Variants in ARHGEF37 observed in about 807,000 individuals in gnomAD.
ARHGEF37 encodes the protein Rho guanine nucleotide exchange factor (GEF) 37.
ARHGEF37 carries 55 observed loss-of-function variants against 71.1 expected under a neutral mutation model. The ratio of observed to expected loss-of-function variants is 0.77; its 90% CI spans 0.62 to 0.97. The LOEUF (loss-of-function observed/expected upper bound fraction) is 0.97, where lower values mean the gene tolerates loss of function less well. Among genes scored for constraint, ARHGEF37 ranks in the 50% least tolerant of loss-of-function variants. The pLI is 0.00. For synonymous variants in ARHGEF37, 327 were observed against 350.6 expected (o/e 0.93, Z 0.75); for missense variants, 765 against 836.8 (o/e 0.91, Z 1.06).
upstream of ARHGEF37, among the ~76,000 whole-genome samples, chr5:149,578,215 C>G (rs1419159772): frequency 3.9e-5 from 6 of 152,214 alleles, no homozygotes; most frequent in Non-Finnish European, 5.9e-5. Flanking sequence ...CTTTGGTTAA[C>G]CAGAATCAGC....
At chr5:149,595,455 A>G (rs1436405634) in intron 1 of ARHGEF37, among the ~76,000 whole-genome samples, 2 of 152,220 alleles carry the variant, frequency 1.3e-5, no homozygotes, top group African/African-American at 2.4e-5. Context: ...TTCTGGGATT[A>G]CATACATGAG....
rs1233737516 is a variant in ARHGEF37 at position 149,632,341 on chromosome 5, T to C, written c.*150T>C. On this transcript the variant is annotated 3_prime_UTR_variant, in exon 13 of 13. Transcript: ENST00000333677. ...ACACTCAGGAGGCAGCCAGAAGACATGGGCGGGCCTCGCAGAGTGCTTGGT... is the reference window on the plus strand; with the variant it reads ...ACACTCAGGAGGCAGCCAGAAGACACGGGCGGGCCTCGCAGAGTGCTTGGT... The C allele has an allele frequency of 1.2e-6, 1 of 837,906 alleles. No individual in the cohort carries two copies. Among genetic ancestry groups the C allele is most frequent in the Non-Finnish European group, 1.8e-6 (1 of 547,590 alleles). 51.9% of individuals were successfully genotyped at this position (837,906 alleles called of 1,614,324 possible). A position where few individuals can be genotyped will look rare whatever the true frequency, so the allele number is the denominator to read the frequency against.
intron 1 of ARHGEF37, among the ~76,000 whole-genome samples, chr5:149,553,729 A>G (rs1402046592): frequency 2.6e-5 from 4 of 152,254 alleles, no homozygotes; most frequent in African/African-American, 9.6e-5. Context: ...GAGAAAAGTA[A>G]GCAATACATC....
chr5:149,623,755 G>A lies in ARHGEF37; in HGVS notation c.1336-257G>A, dbSNP rs533426744. On this transcript the variant is annotated intron_variant, in intron 9 of 12. Transcript: ENST00000333677. ...AGAAACCTCAATCTCCCTGAATCCTGGTGGGAGGAAGGCTCTAGGTCAGCA... is the reference window on the plus strand; with the variant it reads ...AGAAACCTCAATCTCCCTGAATCCTAGTGGGAGGAAGGCTCTAGGTCAGCA... Among the ~76,000 whole-genome samples the A allele has an allele frequency of 2.6e-5, 4 of 152,288 alleles. No homozygotes were observed. The South Asian group carries it at 8.3e-4, about 32-fold the overall frequency.
chr5:149,561,903 C>A (rs1259185570), intron 1 of ARHGEF37, among the ~76,000 whole-genome samples: 1 of 152,184 alleles, frequency 6.6e-6, no homozygotes, highest in Non-Finnish European at 1.5e-5. Flanking sequence ...AGCCCCTGTT[C>A]TCTTCCTCTG....
upstream of ARHGEF37, among the ~76,000 whole-genome samples, chr5:149,577,597 G>A (rs1166284148): frequency 6.6e-6 from 1 of 152,170 alleles, no homozygotes; most frequent in Non-Finnish European, 1.5e-5. Flanking sequence ...CTTATAAAAG[G>A]TTGAGAAACA....
At chr5:149,629,001 A>G (rs1433672655) in intron 12 of ARHGEF37, 35 bp downstream of exon 12, 4 of 1,596,366 alleles carry the variant, frequency 2.5e-6, no homozygotes, top group Non-Finnish European at 2.6e-6. Flanking sequence ...CTTGCCTCCC[A>G]TCGGCCATCC....
At chr5:149,560,058 A>G (rs1347437096) in intron 1 of ARHGEF37, among the ~76,000 whole-genome samples, 1 of 152,210 alleles carries the variant, frequency 6.6e-6, no homozygotes, top group Non-Finnish European at 1.5e-5. Context: ...TGTCTTCGGA[A>G]TCAAAACTAC....
intron 3 of ARHGEF37, among the ~76,000 whole-genome samples, chr5:149,604,488 C>G (rs1477327938): frequency 6.6e-6 from 1 of 152,034 alleles, no homozygotes; most frequent in Non-Finnish European, 1.5e-5. Flanking sequence ...AAAATATCCT[C>G]CTCATCCCTT....
intron 8 of ARHGEF37, among the ~76,000 whole-genome samples, chr5:149,620,829 C>CAAAAAAAAAAAAAA (rs66996935): frequency 3.5e-5 from 5 of 144,852 alleles, no homozygotes; most frequent in African/African-American, 1.0e-4. Context: ...GACTCCTTCT[C>CAAAAAAAAAAAAAA]AAAAAAAGAA....
chr5:149,551,747 G>A (rs1471075570), upstream of ARHGEF37, among the ~76,000 whole-genome samples: 3 of 152,250 alleles, frequency 2.0e-5, no homozygotes, highest in African/African-American at 7.2e-5. Context: ...ATGTTTCGTG[G>A]CAGATGAAAG....
At chr5:149,580,180 C>G (rs527298974), upstream of ARHGEF37, among the ~76,000 whole-genome samples, 14 of 152,002 alleles carry the variant, frequency 9.2e-5, no homozygotes, top group Admixed American at 3.9e-4. Context: ...CCTGCCTCAG[C>G]CTCCCAAGCA....
chr5:149,628,401 G>A (rs998463643), intron 11 of ARHGEF37, among the ~76,000 whole-genome samples: 14 of 152,212 alleles, frequency 9.2e-5, no homozygotes, highest in African/African-American at 3.4e-4. Context: ...AAAGGAACTG[G>A]GCTCACATGG....
intron 1 of ARHGEF37, among the ~76,000 whole-genome samples, chr5:149,594,871 C>G (rs1459821167): frequency 6.6e-6 from 1 of 152,174 alleles, no homozygotes; most frequent in Non-Finnish European, 1.5e-5. Context: ...CAAAGTATCT[C>G]AGCTACTCAG....
At chr5:149,583,034 A>G (rs1309654570) in intron 1 of ARHGEF37, among the ~76,000 whole-genome samples, 1 of 152,244 alleles carries the variant, frequency 6.6e-6, no homozygotes, top group African/African-American at 2.4e-5. Context: ...CTCCAAGTCA[A>G]AAGCTGAAAG....
chr5:149,631,210 G>A (rs1752875296), intron 12 of ARHGEF37, among the ~76,000 whole-genome samples: 1 of 141,262 alleles, frequency 7.1e-6, no homozygotes, highest in South Asian at 2.2e-4. Flanking sequence ...CTGGCTCTGT[G>A]GCCCAGGCTG....
intron 2 of ARHGEF37, among the ~76,000 whole-genome samples, chr5:149,599,434 C>CTTTTATTTATTTATTTATTTATTTAT (rs1554122176): frequency 6.1e-5 from 9 of 147,814 alleles, no homozygotes; most frequent in Admixed American, 4.0e-4. Flanking sequence ...CCAAGGCAAA[C>CTTTTATTTATTTATTTATTTATTTAT]TTATTTATTT....
At chr5:149,570,156 T>C (rs1762945249) in intron 1 of ARHGEF37, among the ~76,000 whole-genome samples, 1 of 152,208 alleles carries the variant, frequency 6.6e-6, no homozygotes, top group African/African-American at 2.4e-5. Flanking sequence ...AATCATGAAT[T>C]TTTAAAACAC....
At chr5:149,598,737 C>CATATATATATATATATATATATATATAT (rs201234693) in intron 2 of ARHGEF37, among the ~76,000 whole-genome samples, 20 of 104,588 alleles carry the variant, frequency 1.9e-4, no homozygotes, top group African/African-American at 7.0e-4. Context: ...AAATAAATCT[C>CATATATATATATATATATATATATATAT]ATATATATAT....
Sources: allele counts gnomAD v4.1 joint callset (sites outside exome capture counted in the v4.1 genomes callset), GRCh38; gene constraint gnomAD v4.1.1; transcripts MANE v1.5; gene names NCBI Gene and HGNC (gene_info 2026-07-23, HGNC 2026-07-21).